The following RELN variants were observed in gnomAD, a reference collection of about 807,000 sequenced individuals.
RELN encodes the protein reelin.
RELN carries 108 observed loss-of-function variants against 427.6 expected under a neutral mutation model. That is an observed-to-expected ratio of 0.25 (90% CI 0.22 to 0.30). The LOEUF is 0.30. Among genes scored for constraint, RELN ranks in the 10% least tolerant of loss-of-function variants. The probability of loss-of-function intolerance (pLI) is 1.00; values close to 1 mark genes in which losing one functional copy is unlikely to be tolerated. For synonymous variants in RELN, 1,524 were observed against 1,513.4 expected (o/e 1.01, Z -0.16); for missense variants, 3,715 against 4,302.8 (o/e 0.86, Z 3.82).
chr7:103,935,349 G>A (rs1472244776), intron 1 of RELN, among the ~76,000 whole-genome samples: 1 of 151,960 alleles, frequency 6.6e-6, no homozygotes, highest in East Asian at 1.9e-4. Context: ...TAAATTCAAC[G>A]GCATTTTAGT....
intron 8 of RELN, among the ~76,000 whole-genome samples, chr7:103,715,349 T>C (rs1789911114): frequency 6.6e-6 from 1 of 152,208 alleles, no homozygotes; most frequent in South Asian, 2.1e-4. Flanking sequence ...TCATAATATA[T>C]AGAAAAAGAA....
intron 1 of RELN, among the ~76,000 whole-genome samples, chr7:103,970,914 G>A (rs1796750407): frequency 6.6e-6 from 1 of 152,158 alleles, no homozygotes; most frequent in Non-Finnish European, 1.5e-5. Flanking sequence ...CCAGCACTTT[G>A]GGAAGTTGAG....
intron 52 of RELN, among the ~76,000 whole-genome samples, chr7:103,501,346 C>G (rs1829022341): frequency 1.3e-5 from 2 of 152,308 alleles, no homozygotes; most frequent in African/African-American, 2.4e-5. Context: ...AGCATACACA[C>G]AGCCCTCAGG....
intron 1 of RELN, among the ~76,000 whole-genome samples, chr7:103,972,526 A>C (rs530885516): frequency 1.2e-4 from 18 of 152,222 alleles, no homozygotes; most frequent in Non-Finnish European, 2.4e-4. Context: ...CCCACTGAGA[A>C]GCACTGGCAG....
chr7:103,843,512 G>C (rs570294066), intron 2 of RELN, among the ~76,000 whole-genome samples: 24 of 152,254 alleles, frequency 1.6e-4, no homozygotes, highest in Non-Finnish European at 5.9e-5. Context: ...CATGTGTCCT[G>C]ATCCAATAGA....
Position 103,809,440 on chromosome 7 carries a change from G to A in RELN, c.473+24097C>T, listed in dbSNP as rs534084175. Among the ~76,000 whole-genome samples the A allele has an allele frequency of 1.0e-3, 154 of 150,200 alleles. 1 individual carries two copies. Among genetic ancestry groups the A allele is most frequent in the South Asian group, 4.3e-3 (19 of 4,430 alleles). On this transcript the variant is annotated intron_variant, in intron 3 of 64. Transcript: ENST00000428762. ...CCCCAGTGTACCACCTGTGCTACAGGCCTCGCGAGCAGCCAGCCACCTCCA... is the reference window on the plus strand; with the variant it reads ...CCCCAGTGTACCACCTGTGCTACAGACCTCGCGAGCAGCCAGCCACCTCCA...
At chr7:103,783,106 T>A (rs1261210271) in intron 3 of RELN, among the ~76,000 whole-genome samples, 1 of 151,928 alleles carries the variant, frequency 6.6e-6, no homozygotes, top group Non-Finnish European at 1.5e-5. Flanking sequence ...CAATTCACCC[T>A]TTAAAATTCT....
Position 103,833,672 on chromosome 7 carries a change from C to T in RELN, c.338G>A (p.Gly113Glu). Residue 113 changes from glycine (G) to glutamate (E), a missense_variant and splice_region_variant, in exon 3 of 65, where the codon GGG becomes GAG. Around this residue, in one of 4 missense-constraint regions of RELN, gnomAD observed 2,208 missense variants for 2,361.7 expected, o/e 0.93. Coordinates refer to ENST00000428762, the MANE Select transcript of RELN (RefSeq NM_005045.4). ...ACCAAACTGGTGGTCAGACATGATC[C>T]CTAAGAGAAAGGAAGGAGAGTTGTT... is the stretch of plus-strand genomic sequence containing the variant. The part of the protein sequence containing the change: ...SIGGSSAFGF[G>E]IMSDHQFGNQ... The T allele has an allele frequency of 1.2e-6, 2 of 1,613,120 alleles. No individual in the cohort carries two copies. The highest frequency in any genetic ancestry group is 1.7e-6 in the Non-Finnish European group (2 of 1,179,414).
At chr7:103,625,907 T>C (rs528490957) in intron 20 of RELN, among the ~76,000 whole-genome samples, 1 of 152,216 alleles carries the variant, frequency 6.6e-6, no homozygotes, top group African/African-American at 2.4e-5. Context: ...TCTCACTCTA[T>C]GCCCAACTAA....
intron 2 of RELN, among the ~76,000 whole-genome samples, chr7:103,869,550 C>T (rs1030900544): frequency 6.6e-6 from 1 of 152,004 alleles, no homozygotes; most frequent in African/African-American, 2.4e-5. Flanking sequence ...TCTGGGCTTA[C>T]AGTTTTATTT....
Position 103,523,768 on chromosome 7 carries a change from C to T in RELN, c.7350-237G>A, listed in dbSNP as rs975178761. 5.9e-5 allele frequency among the ~76,000 whole-genome samples: 9 copies of T among 152,260 alleles called. No homozygotes were observed. In the East Asian group the frequency reaches 1.5e-3, roughly 26 times the overall value. On this transcript the variant is annotated intron_variant, in intron 46 of 64. Transcript: ENST00000428762. ...TCTCAGCTCACTGCAGCCTCCACTTCCTGGGTTCAAGCAATTCTGATGTCT... is the reference window on the plus strand; with the variant it reads ...TCTCAGCTCACTGCAGCCTCCACTTTCTGGGTTCAAGCAATTCTGATGTCT...
intron 6 of RELN, among the ~76,000 whole-genome samples, chr7:103,734,679 T>C (rs769959585): frequency 1.1e-4 from 17 of 152,256 alleles, no homozygotes; most frequent in Middle Eastern, 3.4e-3. Flanking sequence ...CACTCCCTCA[T>C]GATGATGAAA....
intron 15 of RELN, among the ~76,000 whole-genome samples, chr7:103,651,448 A>G (rs1832911809): frequency 6.6e-6 from 1 of 152,114 alleles, no homozygotes; most frequent in Non-Finnish European, 1.5e-5. Context: ...TCAAGTACAT[A>G]AAGAATGAAT....
rs188123289 is a variant in RELN at position 103,640,152 on chromosome 7, T to A, written c.2069+391A>T. 7.2e-5 allele frequency among the ~76,000 whole-genome samples: 11 copies of A among 152,348 alleles called. No individual in the cohort carries two copies. The highest frequency in any genetic ancestry group is 2.4e-4 in the African/African-American group (10 of 41,582). On this transcript the variant is annotated intron_variant, in intron 17 of 64. Coordinates refer to ENST00000428762, the MANE Select transcript of RELN (RefSeq NM_005045.4). The surrounding 1 kb of genome is among the most constrained non-coding windows in gnomAD (Gnocchi z 4.1). ...AAATTTGGTCCAGTCCAGTTTCCTT[T>A]AGCATTGGATCTATGGGTCATTACT... is the stretch of plus-strand genomic sequence containing the variant.
chr7:103,609,164 A>C (rs1020740518), intron 22 of RELN, among the ~76,000 whole-genome samples: 7 of 151,258 alleles, frequency 4.6e-5, no homozygotes, highest in Non-Finnish European at 7.4e-5. Context: ...TGAAGGCTGC[A>C]ATGAGCCAAG....
chr7:103,833,458 T>C (rs1299753196), intron 3 of RELN, 79 bp downstream of exon 3: 4 of 1,262,120 alleles, frequency 3.2e-6, no homozygotes, highest in East Asian at 4.6e-5. Flanking sequence ...AACACTTAAA[T>C]AGTTACTCTA....
At chr7:103,860,139 TC>T (rs1190789871) in intron 2 of RELN, among the ~76,000 whole-genome samples, 1 of 152,144 alleles carries the variant, frequency 6.6e-6, no homozygotes, top group African/African-American at 2.4e-5. Context: ...TTCTTAATAT[TC>T]CCAGATGTTT....
chr7:103,974,046 G>A (rs901565772), intron 1 of RELN, among the ~76,000 whole-genome samples: 1 of 152,192 alleles, frequency 6.6e-6, no homozygotes, highest in African/African-American at 2.4e-5. Context: ...GGGAGGCTGA[G>A]GCACAAGAAT....
At chr7:103,699,665 G>GA (rs1428395933) in intron 9 of RELN, among the ~76,000 whole-genome samples, 1 of 151,468 alleles carries the variant, frequency 6.6e-6, no homozygotes, top group Admixed American at 6.6e-5. Context: ...ACTAGAAAGA[G>GA]AAAAAAAATG....
Sources: allele counts gnomAD v4.1 joint callset (sites outside exome capture counted in the v4.1 genomes callset), GRCh38; gene constraint gnomAD v4.1.1; regional missense constraint gnomAD v4.1.1; non-coding constraint Gnocchi (gnomAD v3.1); transcripts MANE v1.5; gene names NCBI Gene and HGNC (gene_info 2026-07-23, HGNC 2026-07-21).